BLMH: variants seen among roughly 807,000 people sequenced by gnomAD.
BLMH encodes bleomycin hydrolase.
In BLMH, 32 loss-of-function variants were observed where a neutral mutation model predicts 61.6. The observed-to-expected ratio is 0.52, with a 90% CI of 0.39 to 0.70. The LOEUF is 0.70. BLMH is among the 30% of genes least tolerant of loss of function. The probability of loss-of-function intolerance (pLI) is 0.00; values close to 1 mark genes in which losing one functional copy is unlikely to be tolerated. For synonymous variants in BLMH, 183 were observed against 193.8 expected (o/e 0.94, Z 0.46); for missense variants, 460 against 555.5 (o/e 0.83, Z 1.73).
At chr17:30,279,188 G>A (rs551776945) in intron 6 of BLMH, among the ~76,000 whole-genome samples, 1 of 152,202 alleles carries the variant, frequency 6.6e-6, no homozygotes, top group African/African-American at 2.4e-5. Context: ...AAGAACAGAA[G>A]AAGCCAATGA....
chr17:30,280,253 T>C (rs961149770), intron 6 of BLMH, among the ~76,000 whole-genome samples: 1 of 152,230 alleles, frequency 6.6e-6, no homozygotes, highest in African/African-American at 2.4e-5. Flanking sequence ...CTCATGCTAG[T>C]ATTCTAAGTT....
intron 10 of BLMH, among the ~76,000 whole-genome samples, chr17:30,267,817 A>T (rs1188805786): frequency 6.6e-6 from 1 of 152,222 alleles, no homozygotes; most frequent in Non-Finnish European, 1.5e-5. Flanking sequence ...TTGTAGCATG[A>T]GAAGAGCACT....
intron 6 of BLMH, among the ~76,000 whole-genome samples, chr17:30,283,753 C>T (rs1908654619): frequency 6.6e-6 from 1 of 152,058 alleles, no homozygotes; most frequent in Admixed American, 6.5e-5. Context: ...ATCTCCTGAC[C>T]TTATGATCCG....
intron 11 of BLMH, among the ~76,000 whole-genome samples, chr17:30,252,924 C>A: frequency 6.6e-6 from 1 of 152,180 alleles, no homozygotes; most frequent in Non-Finnish European, 1.5e-5. Context: ...CAGGTTCTAG[C>A]AACAAAAGTT....
intron 3 of BLMH, 58 bp from the exon 4 acceptor site, chr17:30,288,005 G>A: frequency 6.6e-7 from 1 of 1,511,880 alleles, no homozygotes; most frequent in Non-Finnish European, 9.0e-7. Flanking sequence ...TAATTTTATT[G>A]GCATTATCAA....
At position 30,271,392 on chromosome 17, in the gene BLMH, T is replaced by C. The variant is rs201907036; in HGVS notation, c.1029-4A>G. 503 of 1,606,640 alleles carry C rather than the reference T, an allele frequency of 3.1e-4. No individual in the cohort carries two copies. The African/African-American group carries it at 5.8e-3, about 19-fold the overall frequency. On this transcript the variant is annotated splice_polypyrimidine_tract_variant and splice_region_variant and intron_variant, in intron 9 of 11. Coordinates refer to ENST00000261714, the MANE Select transcript of BLMH (RefSeq NM_000386.4). The stretch of plus-strand genomic sequence containing the variant: ...AAACACTAACTCATGGTCATAGCTG[T>C]AAAAAGAATGATAGTACAAAATAAA...
At chr17:30,291,731 C>T (rs1908897873) in intron 1 of BLMH, 76 bp downstream of exon 1, 3 of 1,421,096 alleles carry the variant, frequency 2.1e-6, no homozygotes, top group African/African-American at 1.4e-5. Context: ...CAGCCCCCGG[C>T]CTTCCCCGCC....
In BLMH at chr17:30,249,110, G is replaced by A; in HGVS notation, c.1275C>T (p.Asp425=). The A allele has an allele frequency of 6.2e-7, 1 of 1,614,056 alleles. No homozygotes were observed. Among genetic ancestry groups the A allele is most frequent in the Non-Finnish European group, 8.5e-7 (1 of 1,179,962 alleles). ...FSEYVYEVVV[D]RKHVPEEVLA... ...GCACCTCTTCAGGGACATGCTTCCT[G>A]TCCACCACCACTTCGTAGACATACT... The change falls in exon 12 of 12, where the codon GAC becomes GAT. Residue 425 remains aspartate, a synonymous_variant. Transcript: ENST00000261714.
chr17:30,261,082 C>G (rs753743781), intron 11 of BLMH, among the ~76,000 whole-genome samples: 6 of 152,216 alleles, frequency 3.9e-5, no homozygotes, highest in Non-Finnish European at 7.3e-5. Flanking sequence ...TTCAGCAAGT[C>G]TGGCCCAACA....
chr17:30,249,313 T>G (rs1907611421), intron 11 of BLMH, 145 bp from the exon 12 acceptor site: 1 of 900,374 alleles, frequency 1.1e-6, no homozygotes, highest in African/African-American at 1.7e-5. Flanking sequence ...AATCTAAATC[T>G]TATTAGCAAT....
At chr17:30,291,536 C>G in intron 1 of BLMH, 28 bp from the exon 2 acceptor site, 1 of 1,608,738 alleles carries the variant, frequency 6.2e-7, no homozygotes, top group Non-Finnish European at 8.5e-7. Context: ...AGGATTTTAA[C>G]GCAAAAAGAG....
At position 30,267,015 on chromosome 17, in the gene BLMH, T is replaced by C. The variant is rs535547245; in HGVS notation, c.1147-61A>G. 5.9e-6 allele frequency: 9 copies of C among 1,528,648 alleles called. No homozygotes were observed. In the Admixed American group the frequency reaches 1.0e-4, roughly 17 times the overall value. The allele number at this position is 1,528,648 out of a possible 1,614,324, so 94.7% of individuals were successfully genotyped here. A position where few individuals can be genotyped will look rare whatever the true frequency, so the allele number is the denominator to read the frequency against. Reference sequence around the variant, plus strand: ...CCAGATTCTCCCTGCTGAGGTGTCATATAATTTTAGCTCTTCTGTAGCCAC... The same window carrying C: ...CCAGATTCTCCCTGCTGAGGTGTCACATAATTTTAGCTCTTCTGTAGCCAC... On this transcript the variant is annotated intron_variant, in intron 10 of 11. Transcript: ENST00000261714.
intron 11 of BLMH, 111 bp downstream of exon 11, chr17:30,266,774 C>G (rs1480903106): frequency 1.1e-6 from 1 of 948,176 alleles, no homozygotes; most frequent in Non-Finnish European, 1.7e-6. Flanking sequence ...ATAATCTAGT[C>G]AGTGGAGCCA....
intron 11 of BLMH, among the ~76,000 whole-genome samples, chr17:30,265,288 C>G (rs1024453846): frequency 6.6e-6 from 1 of 152,302 alleles, no homozygotes; most frequent in South Asian, 2.1e-4. Context: ...CTATCACATA[C>G]AAGCCTGTGC....
chr17:30,278,565 C>T (rs1908486893), intron 6 of BLMH, among the ~76,000 whole-genome samples: 1 of 152,188 alleles, frequency 6.6e-6, no homozygotes, highest in African/African-American at 2.4e-5. Flanking sequence ...ACATCAACTA[C>T]ACAAAGATAG....
Position 30,288,055 on chromosome 17 carries a change from T to C in BLMH, c.322-108A>G, listed in dbSNP as rs8069399. 11,309 of 1,159,382 alleles carry C rather than the reference T, an allele frequency of 9.8e-3. 423 individuals carry two copies. The highest frequency in any genetic ancestry group is 0.076 in the African/African-American group (4,877 of 63,794). The allele number at this position is 1,159,382 out of a possible 1,614,324, so 71.8% of individuals were successfully genotyped here. Reference sequence around the variant, plus strand: ...TGGAATTACCATGGAATCAACATAATAGTTTTTTTTCTTTTTAAAAACATG... The same window carrying C: ...TGGAATTACCATGGAATCAACATAACAGTTTTTTTTCTTTTTAAAAACATG... On this transcript the variant is annotated intron_variant, in intron 3 of 11. Transcript: ENST00000261714.
In BLMH at chr17:30,248,764, A is replaced by C. The variant is rs771768459; in HGVS notation, c.*253T>G. 2.5e-5 allele frequency: 11 copies of C among 440,854 alleles called. No homozygotes were observed. Among genetic ancestry groups the C allele is most frequent in the African/African-American group, 4.0e-5 (2 of 49,816 alleles). 27.3% of individuals were successfully genotyped at this position (440,854 alleles called of 1,614,324 possible). A position where few individuals can be genotyped will look rare whatever the true frequency, so the allele number is the denominator to read the frequency against. Reference sequence around the variant, plus strand: ...ACAATTACATCTAATTAAAATGCTAAGAGATCCTGAGCTGTTAGAGATGAG... The same window carrying C: ...ACAATTACATCTAATTAAAATGCTACGAGATCCTGAGCTGTTAGAGATGAG... On this transcript the variant is annotated 3_prime_UTR_variant, in exon 12 of 12. Transcript: ENST00000261714.
Position 30,291,907 on chromosome 17 carries a change from G to A in BLMH, c.-88C>T. 8 of 1,256,714 alleles carry A rather than the reference G, an allele frequency of 6.4e-6. No individual in the cohort carries two copies. Among genetic ancestry groups the A allele is most frequent in the Non-Finnish European group, 7.0e-6 (7 of 995,946 alleles). 77.8% of individuals were successfully genotyped at this position (1,256,714 alleles called of 1,614,324 possible). On this transcript the variant is annotated 5_prime_UTR_variant, in exon 1 of 12. Coordinates refer to ENST00000261714, the MANE Select transcript of BLMH (RefSeq NM_000386.4). Reference sequence around the variant, plus strand: ...TGCGCTGCGGCTCGCTGCCTAGGGGGCCCGACCTGTCTCTCGCACCCGGAG... The same window carrying A: ...TGCGCTGCGGCTCGCTGCCTAGGGGACCCGACCTGTCTCTCGCACCCGGAG...
intron 10 of BLMH, among the ~76,000 whole-genome samples, chr17:30,269,689 G>A (rs1243264680): frequency 6.6e-6 from 1 of 152,144 alleles, no homozygotes; most frequent in Non-Finnish European, 1.5e-5. Flanking sequence ...GCTAACTACA[G>A]AGCTGAGATT....
Sources: allele counts gnomAD v4.1 joint callset (sites outside exome capture counted in the v4.1 genomes callset), GRCh38; gene constraint gnomAD v4.1.1; transcripts MANE v1.5; gene names NCBI Gene and HGNC (gene_info 2026-07-23, HGNC 2026-07-21).